NWD2: variants seen among roughly 807,000 people sequenced by gnomAD.
NWD2 encodes the protein NACHT and WD repeat domain containing 2.
Under a neutral mutation model 132.7 loss-of-function variants are expected in NWD2, and 37 were observed. The observed-to-expected ratio is 0.28, with a 90% CI of 0.21 to 0.37. The LOEUF is 0.37. NWD2 is among the 10% of genes least tolerant of loss of function. The probability of loss-of-function intolerance (pLI) is 1.00; values close to 1 mark genes in which losing one functional copy is unlikely to be tolerated. For synonymous variants in NWD2, 705 were observed against 803.0 expected, an observed-to-expected ratio of 0.88 and a Z score of 2.06; for missense variants, 1,592 against 2,122.4, an observed-to-expected ratio of 0.75 and a Z score of 4.91.
chr4:37,368,029 C>T (rs1189555371), intron 3 of NWD2, among the ~76,000 whole-genome samples: 2 of 152,014 alleles, frequency 1.3e-5, no homozygotes, highest in Non-Finnish European at 2.9e-5. Context: ...AGGTCCTGTT[C>T]CAGTTTTCTT....
chr4:37,434,980 A>T (rs1317453539), intron 5 of NWD2, among the ~76,000 whole-genome samples: 1 of 152,094 alleles, frequency 6.6e-6, no homozygotes, highest in Non-Finnish European at 1.5e-5. Context: ...CAAATTTAAC[A>T]TTAAAATAAA....
Position 37,447,124 on chromosome 4 carries a change from T to C in NWD2, c.5136T>C (p.Asn1712=). Residue 1712 remains asparagine, a synonymous_variant, in exon 7 of 7, where the codon AAT becomes AAC. Coordinates refer to ENST00000309447, the MANE Select transcript of NWD2 (RefSeq NM_001144990.2). ...CAGTTAGTGACTCTACTGAGTCCAA[T>C]GAAGCAACACCCTCCAAGAAACACA... ...PITVSDSTES[N]EATPSKKHNS... is the part of the protein sequence containing the mutation. The C allele has an allele frequency of 2.6e-6, 4 of 1,551,496 alleles. No individual in the cohort carries two copies. Among genetic ancestry groups the C allele is most frequent in the Non-Finnish European group, 3.5e-6 (4 of 1,146,984 alleles).
intron 4 of NWD2, among the ~76,000 whole-genome samples, chr4:37,431,114 C>CA (rs1712166951): frequency 6.6e-6 from 1 of 152,060 alleles, no homozygotes; most frequent in Admixed American, 6.6e-5. Flanking sequence ...AGCAGTTCCT[C>CA]AAAAAATTAA....
At chr4:37,433,151 C>A (rs1712224315) in intron 4 of NWD2, among the ~76,000 whole-genome samples, 1 of 152,190 alleles carries the variant, frequency 6.6e-6, no homozygotes, top group Admixed American at 6.5e-5. Flanking sequence ...AATATTGCTT[C>A]TCTGGGTGAG....
chr4:37,402,086 G>A (rs1720907804), intron 3 of NWD2, among the ~76,000 whole-genome samples: 1 of 152,124 alleles, frequency 6.6e-6, no homozygotes, highest in African/African-American at 2.4e-5. Context: ...CCAATAAAAA[G>A]GATGACTTCA....
intron 2 of NWD2, among the ~76,000 whole-genome samples, chr4:37,351,141 C>CT (rs1249658341): frequency 6.6e-6 from 1 of 151,960 alleles, no homozygotes; most frequent in African/African-American, 2.4e-5. Flanking sequence ...ATGAAATTTT[C>CT]TTTTTTTGTT....
At chr4:37,265,801 T>G (rs1717738419) in intron 1 of NWD2, among the ~76,000 whole-genome samples, 1 of 152,062 alleles carries the variant, frequency 6.6e-6, no homozygotes, top group African/African-American at 2.4e-5. Flanking sequence ...GTCTCCCCAT[T>G]TCAAGATCCT....
chr4:37,307,637 T>C (rs1358828593), intron 1 of NWD2, among the ~76,000 whole-genome samples: 1 of 152,214 alleles, frequency 6.6e-6, no homozygotes, highest in Non-Finnish European at 1.5e-5. Context: ...GACTTTTTAG[T>C]TTCCTGTATC....
intron 1 of NWD2, among the ~76,000 whole-genome samples, chr4:37,276,952 G>A (rs1007182579): frequency 6.6e-5 from 10 of 152,008 alleles, no homozygotes; most frequent in African/African-American, 2.4e-4. Flanking sequence ...CATGGACACA[G>A]GAAGGGGAAC....
chr4:37,433,998 G>C lies in NWD2; in HGVS notation c.684G>C (p.Gln228His), dbSNP rs1445580292. Residue 228 changes from glutamine to histidine, a missense_variant, in exon 5 of 7, where the codon CAG becomes CAC. Transcript: ENST00000309447. Reference protein sequence around the residue: ...LHEKGKMKHSQAKRYLFSAIE... With the variant: ...LHEKGKMKHSHAKRYLFSAIE... The stretch of plus-strand genomic sequence containing the variant: ...AAAAGGGTAAAATGAAACACAGCCA[G>C]GCTAAGAGGTACCTGTTCTCAGGTA... 7 of 1,547,808 alleles carry C rather than the reference G, an allele frequency of 4.5e-6. No individual in the cohort carries two copies. In the African/African-American group the frequency reaches 8.2e-5, roughly 18 times the overall value.
chr4:37,286,025 C>T (rs911654265), intron 1 of NWD2, among the ~76,000 whole-genome samples: 1 of 152,186 alleles, frequency 6.6e-6, no homozygotes, highest in East Asian at 1.9e-4. Flanking sequence ...AGCATTTAAA[C>T]GTCTTGCCAA....
chr4:37,342,131 T>C (rs1719540733), intron 2 of NWD2, among the ~76,000 whole-genome samples: 1 of 152,182 alleles, frequency 6.6e-6, no homozygotes, highest in South Asian at 2.1e-4. Flanking sequence ...GGATGGGGCC[T>C]GGTGGGAGGT....
chr4:37,352,376 T>C (rs966734813), intron 2 of NWD2, among the ~76,000 whole-genome samples: 11 of 151,812 alleles, frequency 7.2e-5, no homozygotes, highest in African/African-American at 2.7e-4. Flanking sequence ...ATTGGGTGCA[T>C]ATCCCCTGGT....
intron 3 of NWD2, among the ~76,000 whole-genome samples, chr4:37,393,205 A>AAG (rs10628379): frequency 0.039 from 5,543 of 140,548 alleles, 116 homozygotes; most frequent in Middle Eastern, 0.076. Context: ...TTGGGGGGAG[A>AAG]CTCTGACCTT....
Position 37,444,674 on chromosome 4 carries a change from C to T in NWD2, c.2686C>T (p.Leu896Phe), listed in dbSNP as rs1486569826. 6.4e-7 allele frequency: 1 copy of T among 1,552,126 alleles called. No individual in the cohort carries two copies. The highest frequency in any genetic ancestry group is 8.7e-7 in the Non-Finnish European group (1 of 1,147,128). ...EKELKFLANT[L>F]RSIKNKVTAF... The stretch of plus-strand genomic sequence containing the variant: ...GGAGCTGAAGTTCCTGGCCAACACC[C>T]TCCGCAGCATCAAAAACAAGGTCAC... Residue 896 changes from leucine (L) to phenylalanine (F), a missense_variant, in exon 7 of 7, where the codon CTC (leucine) becomes TTC (phenylalanine). Leu to Phe is a conservative substitution (Grantham distance 22, BLOSUM62 0). Transcript: ENST00000309447. The surrounding 1 kb of genome is among the most constrained non-coding windows in gnomAD (Gnocchi z 4.8).
At chr4:37,331,815 CA>C (rs1391882742) in intron 2 of NWD2, among the ~76,000 whole-genome samples, 3 of 152,186 alleles carry the variant, frequency 2.0e-5, no homozygotes, top group Non-Finnish European at 4.4e-5. Context: ...TTTCCAGTGC[CA>C]TCCCTCCCCC....
intron 2 of NWD2, among the ~76,000 whole-genome samples, chr4:37,328,132 T>C (rs1260802613): frequency 6.6e-6 from 1 of 152,098 alleles, no homozygotes; most frequent in African/African-American, 2.4e-5. Flanking sequence ...TACTTGAGAA[T>C]TTTACTCTGG....
intron 1 of NWD2, among the ~76,000 whole-genome samples, chr4:37,316,332 T>C (rs539388384): frequency 6.6e-6 from 1 of 152,116 alleles, no homozygotes; most frequent in South Asian, 2.1e-4. Context: ...TTCCACTCCT[T>C]CTGATGAGAA....
intron 1 of NWD2, among the ~76,000 whole-genome samples, chr4:37,290,214 A>G (rs752312651): frequency 3.8e-4 from 58 of 152,230 alleles, no homozygotes; most frequent in Non-Finnish European, 7.8e-4. Flanking sequence ...AGGCTCTAGG[A>G]TAAACATAGA....
Sources: gnomAD v4.1 joint callset for allele counts (sites outside exome capture counted in the v4.1 genomes callset) on GRCh38, gnomAD v4.1.1 for gene constraint, Gnocchi (gnomAD v3.1) non-coding constraint, MANE v1.5 for transcripts, NCBI Gene and HGNC (gene_info 2026-07-23, HGNC 2026-07-21) for gene names.